Variants in PRICKLE1 observed in about 807,000 individuals in gnomAD.
The protein encoded by PRICKLE1 is prickle-like protein 1.
PRICKLE1 carries 14 observed loss-of-function variants against 70.2 expected under a neutral mutation model. That is an observed-to-expected ratio of 0.20 (90% CI 0.13 to 0.31). The LOEUF (loss-of-function observed/expected upper bound fraction) is 0.31, where lower values mean the gene tolerates loss of function less well. Among genes scored for constraint, PRICKLE1 ranks in the 10% least tolerant of loss-of-function variants. PRICKLE1 has a pLI of 1.00. For synonymous variants in PRICKLE1, 357 were observed against 379.9 expected, an observed-to-expected ratio of 0.94 and a Z score of 0.70; for missense variants, 821 against 1,026.2, an observed-to-expected ratio of 0.80 and a Z score of 2.73.
intron 1 of PRICKLE1, among the ~76,000 whole-genome samples, chr12:42,479,753 C>T (rs529455078): frequency 2.0e-5 from 3 of 151,962 alleles, no homozygotes; most frequent in Non-Finnish European, 2.9e-5. Context: ...GTCAGGAGTT[C>T]GAGACCAGCC....
chr12:42,585,547 T>G (rs1424218571), intron 1 of PRICKLE1, among the ~76,000 whole-genome samples: 2 of 152,158 alleles, frequency 1.3e-5, no homozygotes, highest in Non-Finnish European at 2.9e-5. Context: ...GGAAAAATTG[T>G]GTCATTCTGG....
intron 1 of PRICKLE1, among the ~76,000 whole-genome samples, chr12:42,581,435 A>C (rs1210061235): frequency 6.6e-6 from 1 of 151,902 alleles, no homozygotes; most frequent in Non-Finnish European, 1.5e-5. Flanking sequence ...TAAATTGACA[A>C]AGTATTTCAT....
intron 1 of PRICKLE1, among the ~76,000 whole-genome samples, chr12:42,526,738 A>G (rs1237217943): frequency 1.5e-5 from 2 of 134,050 alleles, no homozygotes; most frequent in East Asian, 4.5e-4. Context: ...CCCCCTTAAA[A>G]ACACTCCTCT....
At chr12:42,543,678 A>G (rs1358537637) in intron 1 of PRICKLE1, among the ~76,000 whole-genome samples, 2 of 151,936 alleles carry the variant, frequency 1.3e-5, no homozygotes, top group Admixed American at 6.6e-5. Context: ...ACCCACCCCC[A>G]TGCCCAGCTA....
intron 1 of PRICKLE1, among the ~76,000 whole-genome samples, chr12:42,588,297 T>C (rs1396759049): frequency 6.6e-6 from 1 of 152,146 alleles, no homozygotes; most frequent in Non-Finnish European, 1.5e-5. Flanking sequence ...TTATATAACA[T>C]CAACTGCAGG....
At chr12:42,585,012 C>T (rs1431926357) in intron 1 of PRICKLE1, among the ~76,000 whole-genome samples, 3 of 151,756 alleles carry the variant, frequency 2.0e-5, no homozygotes, top group African/African-American at 7.3e-5. Flanking sequence ...ACCAGAACAA[C>T]TGAAATAACA....
At chr12:42,517,373 C>T (rs1421325423) in intron 1 of PRICKLE1, among the ~76,000 whole-genome samples, 1 of 122,876 alleles carries the variant, frequency 8.1e-6, no homozygotes, top group Non-Finnish European at 1.6e-5. Flanking sequence ...AGTGCAGTGG[C>T]ATGATCTCAG....
chr12:42,513,047 C>G (rs35106845), intron 1 of PRICKLE1, among the ~76,000 whole-genome samples: 10,948 of 152,190 alleles, frequency 0.072, 499 homozygotes, highest in Non-Finnish European at 0.11. Context: ...CTCACTGCAG[C>G]CTTCACCTCC....
chr12:42,497,523 T>C (rs1174285038), intron 1 of PRICKLE1, among the ~76,000 whole-genome samples: 4 of 125,176 alleles, frequency 3.2e-5, no homozygotes, highest in Admixed American at 1.0e-4. Flanking sequence ...CACTCCAGCC[T>C]GGGTGACAGC....
At chr12:42,524,151 T>C (rs376063766) in intron 1 of PRICKLE1, among the ~76,000 whole-genome samples, 24 of 152,254 alleles carry the variant, frequency 1.6e-4, no homozygotes, top group Admixed American at 5.2e-4. Flanking sequence ...CCAGCAGCTC[T>C]ACAAAGTGTT....
intron 1 of PRICKLE1, among the ~76,000 whole-genome samples, chr12:42,564,860 G>C (rs751596028): frequency 6.6e-6 from 1 of 152,044 alleles, no homozygotes; most frequent in South Asian, 2.1e-4. Context: ...CAACACCACC[G>C]GTAATAAAGA....
Position 42,465,183 on chromosome 12 carries a change from C to A in PRICKLE1, c.851G>T (p.Cys284Phe). 1 of 1,607,640 alleles carries A rather than the reference C, an allele frequency of 6.2e-7. No individual in the cohort carries two copies. The highest frequency in any genetic ancestry group is 1.1e-5 in the South Asian group (1 of 89,588). Residue 284 changes from cysteine to phenylalanine, a missense_variant, in exon 7 of 8, where the codon TGT (cysteine) becomes TTT (phenylalanine). Transcript: ENST00000345127. ...ATEACFSCAQ[C>F]KASLLGCPFL... ...GGGACATCCCAACAAAGAGGCTTTACACTGGGCACAAGAAAAGCAGGCTTC... is the reference window on the plus strand; with the variant it reads ...GGGACATCCCAACAAAGAGGCTTTAAACTGGGCACAAGAAAAGCAGGCTTC...
At chr12:42,574,114 C>T (rs1940766692) in intron 1 of PRICKLE1, among the ~76,000 whole-genome samples, 1 of 152,086 alleles carries the variant, frequency 6.6e-6, no homozygotes, top group African/African-American at 2.4e-5. Context: ...ACAGGATGCC[C>T]AGTAAAACCT....
rs116954793 is a variant in PRICKLE1, at chr12:42,483,461, C to T, written c.-48-10897G>A. The T allele has an allele frequency of 0.017, 2,523 of 152,122 alleles. 38 individuals carry two copies. The highest frequency in any genetic ancestry group is 0.098 in the South Asian group (472 of 4,830). The allele number at this position is 152,122 out of a possible 1,614,324, so 9.4% of individuals were successfully genotyped here. Reference sequence around the variant, plus strand: ...CCTCGGCGCGCACTAGCCGCCCGCCCGCTCTGCGTCTGAAGGAGGCTGGCG... The same window carrying T: ...CCTCGGCGCGCACTAGCCGCCCGCCTGCTCTGCGTCTGAAGGAGGCTGGCG... On this transcript the variant is annotated intron_variant, in intron 1 of 7. Coordinates refer to ENST00000345127, the MANE Select transcript of PRICKLE1 (RefSeq NM_153026.3).
At chr12:42,515,287 T>C (rs1349629147) in intron 1 of PRICKLE1, among the ~76,000 whole-genome samples, 1 of 150,846 alleles carries the variant, frequency 6.6e-6, no homozygotes, top group Non-Finnish European at 1.5e-5. Context: ...TTGCCCAGGC[T>C]GGAGTGCAAT....
chr12:42,478,726 C>CT (rs11300615), intron 1 of PRICKLE1, among the ~76,000 whole-genome samples: 626 of 136,520 alleles, frequency 4.6e-3, no homozygotes, highest in Middle Eastern at 7.0e-3. Context: ...CTGGGATACT[C>CT]TTTTTTTTTT....
At chr12:42,566,465 C>A (rs537323480) in intron 1 of PRICKLE1, among the ~76,000 whole-genome samples, 1 of 152,138 alleles carries the variant, frequency 6.6e-6, no homozygotes, top group African/African-American at 2.4e-5. Context: ...AAATGTGGGC[C>A]TCAAGCAAGC....
At chr12:42,499,830 C>T (rs1939275031) in intron 1 of PRICKLE1, among the ~76,000 whole-genome samples, 2 of 152,090 alleles carry the variant, frequency 1.3e-5, no homozygotes, top group African/African-American at 2.4e-5. Context: ...CGGGTTCAAG[C>T]GATTCTCCTG....
At chr12:42,477,247 C>CT (rs2140139081) in intron 1 of PRICKLE1, among the ~76,000 whole-genome samples, 1 of 151,632 alleles carries the variant, frequency 6.6e-6, no homozygotes, top group South Asian at 2.1e-4. Context: ...TGGTGCACAC[C>CT]TGTAATCCCA....
Sources: allele counts gnomAD v4.1 joint callset (sites outside exome capture counted in the v4.1 genomes callset), GRCh38; gene constraint gnomAD v4.1.1; transcripts MANE v1.5; gene names NCBI Gene and HGNC (gene_info 2026-07-23, HGNC 2026-07-21).